The following CHST9 variants were observed in gnomAD, a reference collection of about 807,000 sequenced individuals.
CHST9 encodes the protein carbohydrate sulfotransferase 9, also known as GalNAc-4-sulfotransferase 2.
CHST9 carries 41 observed loss-of-function variants against 44.4 expected under a neutral mutation model. The observed-to-expected ratio is 0.92, with a 90% confidence interval of 0.72 to 1.20. CHST9 has a LOEUF of 1.20. Among genes scored for constraint, CHST9 ranks in the 50% most tolerant of loss-of-function variants. The probability of loss-of-function intolerance (pLI) is 0.00; values close to 1 mark genes in which losing one functional copy is unlikely to be tolerated. For synonymous variants in CHST9, 171 were observed against 178.4 expected, an observed-to-expected ratio of 0.96 and a Z score of 0.33; for missense variants, 504 against 516.5, an observed-to-expected ratio of 0.98 and a Z score of 0.23.
intron 2 of CHST9, among the ~76,000 whole-genome samples, chr18:27,050,713 C>A (rs1212839439): frequency 1.3e-5 from 2 of 152,098 alleles, no homozygotes; most frequent in East Asian, 3.9e-4. Context: ...CATTTAAAGG[C>A]CTCATTCATT....
intron 2 of CHST9, among the ~76,000 whole-genome samples, chr18:27,079,134 AC>A (rs1352127066): frequency 6.6e-6 from 1 of 152,022 alleles, no homozygotes; most frequent in African/African-American, 2.4e-5. Flanking sequence ...TATACGATAA[AC>A]CATATTTCAT....
intron 2 of CHST9, among the ~76,000 whole-genome samples, chr18:27,123,515 C>T (rs185269420): frequency 1.6e-3 from 236 of 152,122 alleles, no homozygotes; most frequent in African/African-American, 5.2e-3. Context: ...TAAAGATAGA[C>T]CATCATGCTG....
chr18:27,168,877 G>A (rs1452733721), intron 1 of CHST9, among the ~76,000 whole-genome samples: 1 of 152,166 alleles, frequency 6.6e-6, no homozygotes, highest in Admixed American at 6.5e-5. Flanking sequence ...CCTGGGTGAG[G>A]CTGACCTAAT....
intron 5 of CHST9, among the ~76,000 whole-genome samples, chr18:26,922,877 C>G (rs1390958642): frequency 6.6e-6 from 1 of 152,142 alleles, no homozygotes; most frequent in Admixed American, 6.5e-5. Context: ...CTCAGGTGAT[C>G]CAGCCGCCTC....
At chr18:27,119,597 T>C (rs2058356999) in intron 2 of CHST9, among the ~76,000 whole-genome samples, 1 of 152,104 alleles carries the variant, frequency 6.6e-6, no homozygotes, top group South Asian at 2.1e-4. Flanking sequence ...TGTTTGTTTA[T>C]GTCTATACTT....
At position 26,973,413 on chromosome 18, in the gene CHST9, G is replaced by A. The variant is rs537491363; in HGVS notation, c.203-29047C>T. ...GAAGGCATCAAGGAGGCGAAGGTGC[G>A]GAACAGTGCGTAGAAGGCCCCGGGT... On this transcript the variant is annotated intron_variant, in intron 4 of 5. Transcript: ENST00000618847. Among the ~76,000 whole-genome samples, 13 of 152,266 alleles carry A rather than the reference G, an allele frequency of 8.5e-5. No homozygotes were observed. The South Asian group carries it at 1.9e-3, about 22-fold the overall frequency.
rs1378532304 is a variant in CHST9 at position 26,921,933 on chromosome 18, T to C, written c.241-4583A>G. 2.0e-5 allele frequency among the ~76,000 whole-genome samples: 3 copies of C among 152,234 alleles called. No homozygotes were observed. The East Asian group carries it at 5.8e-4, about 29-fold the overall frequency. On this transcript the variant is annotated intron_variant, in intron 5 of 5. Coordinates refer to ENST00000618847, the MANE Select transcript of CHST9 (RefSeq NM_031422.6). The stretch of plus-strand genomic sequence containing the variant: ...GAAAGTAAATTGGCTATTTTACATC[T>C]CATAATACTTCTTTTTTTGTATCTT...
chr18:27,175,953 T>C (rs1044176642), intron 1 of CHST9, among the ~76,000 whole-genome samples: 17 of 151,990 alleles, frequency 1.1e-4, no homozygotes, highest in Non-Finnish European at 1.5e-4. Context: ...AATTTAGGGG[T>C]AAGAGATGGT....
At chr18:27,071,819 G>GA (rs2057843705) in intron 2 of CHST9, among the ~76,000 whole-genome samples, 2 of 152,126 alleles carry the variant, frequency 1.3e-5, no homozygotes, top group Non-Finnish European at 2.9e-5. Flanking sequence ...CCTTGGGGGG[G>GA]ATCCCTATTT....
intron 2 of CHST9, among the ~76,000 whole-genome samples, chr18:27,055,810 G>A (rs1312379255): frequency 6.6e-6 from 1 of 152,094 alleles, no homozygotes; most frequent in African/African-American, 2.4e-5. Context: ...AAAGGAACAC[G>A]GATTTGGAGT....
chr18:27,171,772 GTATT>G (rs1485437555), intron 1 of CHST9, among the ~76,000 whole-genome samples: 1 of 152,048 alleles, frequency 6.6e-6, no homozygotes, highest in African/African-American at 2.4e-5. Context: ...TAATGATTAG[GTATT>G]TATTTATTTC....
At chr18:27,105,045 C>CCTCTT (rs1158590562) in intron 2 of CHST9, among the ~76,000 whole-genome samples, 6 of 152,140 alleles carry the variant, frequency 3.9e-5, no homozygotes, top group Admixed American at 3.3e-4. Flanking sequence ...CAGGTTTTCT[C>CCTCTT]CTCTTCTCTT....
intron 4 of CHST9, among the ~76,000 whole-genome samples, chr18:26,992,862 G>A (rs905679902): frequency 6.6e-6 from 1 of 152,128 alleles, no homozygotes; most frequent in African/African-American, 2.4e-5. Context: ...AGTTTAAAGT[G>A]GGCATTTTTA....
intron 2 of CHST9, among the ~76,000 whole-genome samples, chr18:27,137,357 TAGAGAGAG>T (rs1157733940): frequency 7.9e-6 from 1 of 126,424 alleles, no homozygotes; most frequent in Non-Finnish European, 1.7e-5. Context: ...TGTGTGTGTA[TAGAGAGAG>T]AGAGAGAGAA....
chr18:26,964,473 A>G (rs1598599858), intron 4 of CHST9, among the ~76,000 whole-genome samples: 1 of 152,230 alleles, frequency 6.6e-6, no homozygotes. Flanking sequence ...TGTATTTACA[A>G]TAAGTGAGAA....
rs541928552 is a variant in CHST9, at chr18:26,929,420, T to C, written c.241-12070A>G. Among the ~76,000 whole-genome samples, 4 of 152,358 alleles carry C rather than the reference T, an allele frequency of 2.6e-5. 1 individual carries two copies. The highest frequency in any genetic ancestry group is 7.2e-5 in the African/African-American group (3 of 41,592). ...AGTACCTGACATATAGTGTCTGCCATATAGTAGGTTTCTCCAAAATGTGAA... is the reference window on the plus strand; with the variant it reads ...AGTACCTGACATATAGTGTCTGCCACATAGTAGGTTTCTCCAAAATGTGAA... On this transcript the variant is annotated intron_variant, in intron 5 of 5. Transcript: ENST00000618847.
chr18:27,119,247 A>C (rs1342983949), intron 2 of CHST9, among the ~76,000 whole-genome samples: 2 of 152,192 alleles, frequency 1.3e-5, no homozygotes, highest in Non-Finnish European at 2.9e-5. Flanking sequence ...ATAACCTCAC[A>C]GAATCGATAT....
chr18:27,073,069 A>G (rs1428849156), intron 2 of CHST9, among the ~76,000 whole-genome samples: 3 of 152,268 alleles, frequency 2.0e-5, no homozygotes, highest in South Asian at 4.1e-4. Flanking sequence ...CAGAATCAGC[A>G]CCAGGGCATC....
chr18:26,966,006 T>C (rs2056460001), intron 4 of CHST9, among the ~76,000 whole-genome samples: 1 of 152,268 alleles, frequency 6.6e-6, no homozygotes, highest in Non-Finnish European at 1.5e-5. Context: ...TCAGTTCCTA[T>C]GCCTAATGTT....
Sources: gnomAD v4.1 joint callset for allele counts (sites outside exome capture counted in the v4.1 genomes callset) on GRCh38, gnomAD v4.1.1 for gene constraint, MANE v1.5 for transcripts, NCBI Gene and HGNC (gene_info 2026-07-23, HGNC 2026-07-21) for gene names.